Variants in RMP24 observed in about 807,000 individuals in gnomAD.
The protein encoded by RMP24 is ribonuclease MRP protein subunit p24.
the RMP24 span, chr18:35,974,945 G>A: frequency 5.6e-6 from 9 of 1,614,002 alleles, no homozygotes; most frequent in Non-Finnish European, 7.6e-6. Flanking sequence ...TCCAGCTGTT[G>A]GTTCTGGATA....
the RMP24 span, chr18:35,972,764 G>A: frequency 6.2e-7 from 1 of 1,613,792 alleles, no homozygotes; most frequent in South Asian, 1.1e-5. Context: ...CTGCAGCGCG[G>A]GGACTGCACG....
the RMP24 span, chr18:35,975,185 C>T: frequency 9.5e-7 from 1 of 1,055,896 alleles, no homozygotes; most frequent in Non-Finnish European, 1.4e-6. Context: ...CAGTATAACT[C>T]AGAGATTTAT....
chr18:35,977,566 G>A, the RMP24 span: 1 of 1,613,604 alleles, frequency 6.2e-7, no homozygotes, highest in South Asian at 1.1e-5. Context: ...TGACATGTCT[G>A]GCTCGAAAGG....
the RMP24 span, among the ~76,000 whole-genome samples, chr18:35,975,665 A>G: frequency 1.3e-5 from 2 of 152,360 alleles, no homozygotes; most frequent in South Asian, 4.1e-4. Flanking sequence ...GGTTTACTAT[A>G]TGGAGGCCAG....
chr18:35,974,749 A>G, the RMP24 span: 2 of 750,704 alleles, frequency 2.7e-6, no homozygotes, highest in Non-Finnish European at 4.2e-6. Flanking sequence ...CTGCCAATTT[A>G]TCTTTTTGTA....
the RMP24 span, chr18:35,972,704 C>G: frequency 1.3e-6 from 2 of 1,594,378 alleles, no homozygotes; most frequent in East Asian, 2.3e-5. Context: ...GTTCCCGCGG[C>G]GAGCCAGCGG....
chr18:35,974,884 G>C, the RMP24 span: 1 of 1,604,392 alleles, frequency 6.2e-7, no homozygotes, highest in Non-Finnish European at 8.5e-7. Flanking sequence ...AGTTTCATTT[G>C]TATAATTTTA....
At chr18:35,974,541 G>A in the RMP24 span, among the ~76,000 whole-genome samples, 13 of 152,148 alleles carry the variant, frequency 8.5e-5, no homozygotes, top group African/African-American at 2.7e-4. Context: ...AGTGCAATTT[G>A]TTATTTTGTG....
chr18:35,972,747 C>G, the RMP24 span: 4 of 1,612,946 alleles, frequency 2.5e-6, no homozygotes, highest in Admixed American at 3.3e-5. Context: ...GAAGCACTAC[C>G]TTGAGGCTGC....
chr18:35,974,004 C>G, the RMP24 span: 1 of 152,340 alleles, frequency 6.6e-6, no homozygotes, highest in African/African-American at 2.4e-5. Flanking sequence ...TGTCATAGAC[C>G]TGCATACCTC....
chr18:35,977,519 T>C, the RMP24 span: 20 of 1,614,178 alleles, frequency 1.2e-5, no homozygotes, highest in African/African-American at 2.0e-4. Flanking sequence ...AAACTCAGCC[T>C]GAAGACACCA....
chr18:35,976,606 A>G, the RMP24 span, among the ~76,000 whole-genome samples: 2 of 152,210 alleles, frequency 1.3e-5, no homozygotes, highest in East Asian at 1.9e-4. Context: ...GTGTGAGAGT[A>G]TAACAACTCA....
At chr18:35,973,016 A>G in the RMP24 span, 1 of 1,422,508 alleles carries the variant, frequency 7.0e-7, no homozygotes. Flanking sequence ...CCATAAAAAC[A>G]ACAACAACAA....
At chr18:35,977,503 A>G in the RMP24 span, 360,459 of 1,613,666 alleles carry the variant, frequency 0.22, 41,320 homozygotes, top group African/African-American at 0.32. Flanking sequence ...TGCCACTCCT[A>G]CAAGTAAACT....
the RMP24 span, chr18:35,979,075 G>C: frequency 7.1e-7 from 1 of 1,408,786 alleles, no homozygotes; most frequent in African/African-American, 1.5e-5. Flanking sequence ...TTCATTTTTT[G>C]AATACATGGA....
At chr18:35,977,239 T>G in the RMP24 span, among the ~76,000 whole-genome samples, 1 of 151,996 alleles carries the variant, frequency 6.6e-6, no homozygotes, top group Admixed American at 6.6e-5. Flanking sequence ...AAAAAATGTC[T>G]TGTCTGATTC....
the RMP24 span, chr18:35,977,332 G>T: frequency 7.4e-7 from 1 of 1,349,034 alleles, no homozygotes. Flanking sequence ...TGACATTTAA[G>T]AATTCAATGA....
chr18:35,978,792 GT>G, the RMP24 span: 1 of 1,507,606 alleles, frequency 6.6e-7, no homozygotes, highest in African/African-American at 1.4e-5. Flanking sequence ...GAAAATGATT[GT>G]CATTTGTTGG....
chr18:35,972,783 C>G, the RMP24 span: 2 of 1,614,028 alleles, frequency 1.2e-6, no homozygotes, highest in Non-Finnish European at 1.7e-6. Context: ...CGACAGCTGC[C>G]CGGGCCAAGC....
Sources: gnomAD v4.1 joint callset for allele counts (sites outside exome capture counted in the v4.1 genomes callset) on GRCh38, gnomAD v4.1.1 for gene constraint, MANE v1.5 for transcripts, NCBI Gene and HGNC (gene_info 2026-07-23, HGNC 2026-07-21) for gene names.